The following CHD7 variants were observed in gnomAD, a reference collection of about 807,000 sequenced individuals.
CHD7 encodes the protein chromodomain helicase DNA binding protein 7.
Under a neutral mutation model 307.3 loss-of-function variants are expected in CHD7, and 24 were observed. The observed-to-expected ratio is 0.08, with a 90% CI of 0.06 to 0.11. The LOEUF is 0.11. CHD7 is among the 10% of genes least tolerant of loss of function. The probability of loss-of-function intolerance (pLI) is 1.00; values close to 1 mark genes in which losing one functional copy is unlikely to be tolerated. For synonymous variants in CHD7, 1,363 were observed against 1,349.9 expected (o/e 1.01, Z -0.21); for missense variants, 3,106 against 3,727.1 (o/e 0.83, Z 4.34).
intron 14 of CHD7, 112 bp downstream of exon 14, chr8:60,828,918 A>G (rs1804374790): frequency 3.2e-6 from 3 of 934,524 alleles, no homozygotes; most frequent in Non-Finnish European, 4.8e-6. Context: ...TTTCCCACCT[A>G]GTACACAGAA....
At chr8:60,821,700 A>G in intron 9 of CHD7, 90 bp from the exon 10 acceptor site, 4 of 1,087,786 alleles carry the variant, frequency 3.7e-6, no homozygotes, top group East Asian at 2.7e-5. Context: ...ATACATATCT[A>G]TATGTATAAA....
intron 5 of CHD7, 125 bp downstream of exon 5, chr8:60,800,650 G>A: frequency 1.1e-6 from 1 of 926,160 alleles, no homozygotes; most frequent in Non-Finnish European, 1.6e-6. Flanking sequence ...ACCTAATGTT[G>A]GATAATGTGC....
intron 1 of CHD7, among the ~76,000 whole-genome samples, chr8:60,719,140 T>C (rs1286619160): frequency 6.6e-6 from 1 of 152,240 alleles, no homozygotes; most frequent in African/African-American, 2.4e-5. Context: ...TGTTTACAGG[T>C]AGCCTCTTGC....
chr8:60,752,470 C>T (rs924721735), intron 2 of CHD7, among the ~76,000 whole-genome samples: 2 of 152,208 alleles, frequency 1.3e-5, no homozygotes, highest in Non-Finnish European at 2.9e-5. Flanking sequence ...CTCTTGCCAG[C>T]GGCTGCTCAG....
chr8:60,786,769 A>G (rs992177390), intron 3 of CHD7, among the ~76,000 whole-genome samples: 7 of 152,244 alleles, frequency 4.6e-5, no homozygotes, highest in Non-Finnish European at 8.8e-5. Context: ...TTTTATTTAA[A>G]TAAGTCTATA....
Position 60,865,829 on chromosome 8 carries a change from A to G in CHD7, c.8890A>G (p.Lys2964Glu). Residue 2964 changes from lysine (K) to glutamate (E), a missense_variant, in exon 38 of 38, where the codon AAG becomes GAG. Coordinates refer to ENST00000423902, the MANE Select transcript of CHD7 (RefSeq NM_017780.4). This position sits in a 1 kb window ranked among gnomAD's most constrained non-coding sequence, Gnocchi z 4.3. ...EGSDAEESLDKTAESSLLEDE... is the reference protein window; with the variant it reads ...EGSDAEESLDETAESSLLEDE... ...CAGCGATGCCGAGGAGAGCCTGGAT[A>G]AGACTGCAGAGTCCTCCCTCTTAGA... 6.2e-7 allele frequency: 1 copy of G among 1,613,812 alleles called. No homozygotes were observed. Among genetic ancestry groups the G allele is most frequent in the Non-Finnish European group, 8.5e-7 (1 of 1,179,796 alleles).
chr8:60,690,939 CTTTT>C (rs1242803742), intron 1 of CHD7, among the ~76,000 whole-genome samples: 31 of 152,086 alleles, frequency 2.0e-4, no homozygotes, highest in Non-Finnish European at 3.1e-4. Flanking sequence ...TTCTTTCTTT[CTTTT>C]TGACGGAGTC....
intron 1 of CHD7, among the ~76,000 whole-genome samples, chr8:60,712,555 T>C (rs1807333058): frequency 6.6e-6 from 1 of 152,212 alleles, no homozygotes. Flanking sequence ...TCCCATGTCC[T>C]GTATTATTTA....
chr8:60,742,263 G>T lies in CHD7; in HGVS notation c.831G>T (p.Pro277=), dbSNP rs775415630. The part of the protein sequence containing the change: ...ESVAHSPRFS[P]NPPQQGAVRP... The stretch of plus-strand genomic sequence containing the variant: ...TTGCCCACAGTCCCAGATTCTCCCC[G>T]AATCCTCCCCAACAAGGGGCTGTTA... The change falls in exon 2 of 38, where the codon CCG becomes CCT. Residue 277 remains proline (P), a synonymous_variant. Transcript: ENST00000423902. 2.5e-6 allele frequency: 4 copies of T among 1,613,622 alleles called. No individual in the cohort carries two copies. Among genetic ancestry groups the T allele is most frequent in the African/African-American group, 2.7e-5 (2 of 74,842 alleles).
intron 37 of CHD7, chr8:60,864,575 C>G (rs557415917): frequency 3.7e-4 from 72 of 192,638 alleles, no homozygotes; most frequent in Non-Finnish European, 6.6e-4. Flanking sequence ...TATGCATCAC[C>G]TCAAGCATTT....
chr8:60,836,729 C>T, intron 16 of CHD7, 88 bp from the exon 17 acceptor site: 1 of 924,130 alleles, frequency 1.1e-6, no homozygotes. Flanking sequence ...AATATATATT[C>T]CATATTGTAA....
chr8:60,839,877 G>A (rs1335949832), intron 19 of CHD7, among the ~76,000 whole-genome samples: 3 of 152,040 alleles, frequency 2.0e-5, no homozygotes, highest in African/African-American at 7.3e-5. Context: ...CTTCTTAATA[G>A]CATATAATTT....
rs944392142 is a variant in CHD7 at position 60,822,216 on chromosome 8, TAAAA to T, written c.2957+74_2957+77del. On this transcript the variant is annotated intron_variant, in intron 11 of 37. Coordinates refer to ENST00000423902, the MANE Select transcript of CHD7 (RefSeq NM_017780.4). Reference sequence around the variant, plus strand: ...CCTTTCCTTTAGTTATTGAAAATAATAAAAAAGAACTTAATGTTTTAACTCTAAT... The same window carrying T: ...CCTTTCCTTTAGTTATTGAAAATAATAAGAACTTAATGTTTTAACTCTAAT... 3.6e-6 allele frequency: 5 copies of T among 1,370,184 alleles called. No individual in the cohort carries two copies. In the South Asian group the frequency reaches 8.1e-5, roughly 22 times the overall value. The allele number at this position is 1,370,184 out of a possible 1,614,324, so 84.9% of individuals were successfully genotyped here.
rs1430755213 is a variant in CHD7 at position 60,860,940 on chromosome 8, A to G, written c.7645A>G (p.Ile2549Val). Residue 2549 changes from isoleucine to valine, a missense_variant, in exon 35 of 38, where the codon ATA (isoleucine) becomes GTA (valine). Around this residue, in one of 10 missense-constraint regions of CHD7, gnomAD observed 1,030 missense variants for 1,165.4 expected, o/e 0.88. Coordinates refer to ENST00000423902, the MANE Select transcript of CHD7 (RefSeq NM_017780.4). ...GGTGACCAAAGCTTTTGAAGAAGAT[A>G]TAGAGACCCCACCAACAAGAAACAT... ...AEVTKAFEEDIETPPTRNIPS... is the reference protein window; with the variant it reads ...AEVTKAFEEDVETPPTRNIPS... The G allele has an allele frequency of 6.2e-7, 1 of 1,613,996 alleles. No homozygotes were observed. The highest frequency in any genetic ancestry group is 2.2e-5 in the East Asian group (1 of 44,888).
chr8:60,837,689 A>G lies in CHD7; in HGVS notation c.4207A>G (p.Ile1403Val). 6.3e-7 allele frequency: 1 copy of G among 1,579,268 alleles called. No homozygotes were observed. The highest frequency in any genetic ancestry group is 8.6e-7 in the Non-Finnish European group (1 of 1,161,624). The change falls in exon 18 of 38, where the codon ATA becomes GTA. Residue 1403 changes from isoleucine (I) to valine (V), a missense_variant. Physicochemically the swap from Ile to Val is conservative, Grantham distance 29. This residue lies in a region of CHD7 where 93 missense variants were observed against 176.4 expected (regional missense o/e 0.53). Transcript: ENST00000423902. Reference sequence around the variant, plus strand: ...CCAGGCTCAGGCTAGATGTCATAGAATAGGACAGAGCAAATCTGTGAAAAT... The same window carrying G: ...CCAGGCTCAGGCTAGATGTCATAGAGTAGGACAGAGCAAATCTGTGAAAAT... ...DLQAQARCHR[I>V]GQSKSVKIYR...
At chr8:60,783,874 C>G (rs1384341821) in intron 3 of CHD7, among the ~76,000 whole-genome samples, 1 of 152,184 alleles carries the variant, frequency 6.6e-6, no homozygotes, top group Non-Finnish European at 1.5e-5. Context: ...GTGGTAAGGA[C>G]ATTCCTGAAC....
intron 1 of CHD7, among the ~76,000 whole-genome samples, chr8:60,713,133 G>A (rs1807368867): frequency 6.6e-6 from 1 of 151,484 alleles, no homozygotes; most frequent in Non-Finnish European, 1.5e-5. Context: ...TTGTTGTTGG[G>A]ACAGAGTCTC....
intron 2 of CHD7, among the ~76,000 whole-genome samples, chr8:60,753,526 A>G (rs1784958375): frequency 6.6e-6 from 1 of 152,192 alleles, no homozygotes; most frequent in Non-Finnish European, 1.5e-5. Context: ...CTAGGATATC[A>G]TTGATGAAGA....
At position 60,836,116 on chromosome 8, in the gene CHD7, T is replaced by G. The variant is rs754161857; in HGVS notation, c.3822T>G (p.Asn1274Lys). 6.2e-7 allele frequency: 1 copy of G among 1,613,242 alleles called. No individual in the cohort carries two copies. Among genetic ancestry groups the G allele is most frequent in the Admixed American group, 1.7e-5 (1 of 59,910 alleles). ...KILEEFKETH[N>K]AESPDFQLQA... ...TGGAAGAGTTTAAAGAAACACACAA[T>G]GCAGAGTCTCCAGATTTTCAGCTCC... Residue 1274 changes from asparagine to lysine, a missense_variant, in exon 16 of 38, where the codon AAT (asparagine) becomes AAG (lysine). Asn to Lys is a moderately conservative substitution (Grantham distance 94, BLOSUM62 0). Transcript: ENST00000423902.
Sources: gnomAD v4.1 joint callset for allele counts (sites outside exome capture counted in the v4.1 genomes callset) on GRCh38, gnomAD v4.1.1 for gene constraint, gnomAD v4.1.1 regional missense constraint, Gnocchi (gnomAD v3.1) non-coding constraint, MANE v1.5 for transcripts, NCBI Gene and HGNC (gene_info 2026-07-23, HGNC 2026-07-21) for gene names.